Variants in PDE3B observed in about 807,000 individuals in gnomAD.
PDE3B encodes the protein cGMP-inhibited 3',5'-cyclic phosphodiesterase 3B.
In PDE3B, 66 loss-of-function variants were observed where a neutral mutation model predicts 116.8. The ratio of observed to expected loss-of-function variants is 0.56; its 90% CI spans 0.46 to 0.69. PDE3B has a LOEUF of 0.69. Ranked by LOEUF, PDE3B falls within the 30% of genes least tolerant of loss-of-function variation. The pLI, the probability that PDE3B is intolerant of heterozygous loss-of-function variation, is 0.00. For missense variants in PDE3B, 1,384 were observed against 1,368.1 expected, an observed-to-expected ratio of 1.01 and a Z score of -0.18; for synonymous variants, 595 against 533.6, an observed-to-expected ratio of 1.12 and a Z score of -1.59.
At chr11:14,802,220 G>A (rs528145318) in intron 4 of PDE3B, among the ~76,000 whole-genome samples, 424 of 152,316 alleles carry the variant, frequency 2.8e-3, no homozygotes, top group Non-Finnish European at 3.6e-3. Context: ...CTTGCAGCTA[G>A]TTTGGTGTCT....
intron 1 of PDE3B, among the ~76,000 whole-genome samples, chr11:14,712,602 G>C (rs536163273): frequency 4.8e-4 from 73 of 150,624 alleles, no homozygotes; most frequent in African/African-American, 1.7e-3. Context: ...AGCCTCCCGA[G>C]TAGCTCGGCT....
chr11:14,828,959 A>G (rs1452785758), intron 7 of PDE3B, among the ~76,000 whole-genome samples: 2 of 152,234 alleles, frequency 1.3e-5, no homozygotes, highest in African/African-American at 2.4e-5. Context: ...GTACATATAC[A>G]CCATGGAATA....
At chr11:14,777,419 C>A (rs1857821328) in intron 2 of PDE3B, among the ~76,000 whole-genome samples, 1 of 152,166 alleles carries the variant, frequency 6.6e-6, no homozygotes, top group Non-Finnish European at 1.5e-5. Context: ...CAAATAGTAT[C>A]AACCCCCTCA....
intron 1 of PDE3B, among the ~76,000 whole-genome samples, chr11:14,756,802 A>ATT (rs372781887): frequency 0.34 from 40,684 of 117,926 alleles, 5,756 homozygotes; most frequent in East Asian, 0.41. Context: ...TTAAGTGCTT[A>ATT]TTTTTTTTTT....
intron 1 of PDE3B, chr11:14,700,745 A>G (rs1314943076): frequency 6.6e-6 from 1 of 151,838 alleles, no homozygotes; most frequent in Non-Finnish European, 1.5e-5. Flanking sequence ...TGTAGATATC[A>G]GGATATCATT....
At chr11:14,708,426 GAC>G (rs1855597546) in intron 1 of PDE3B, among the ~76,000 whole-genome samples, 1 of 151,972 alleles carries the variant, frequency 6.6e-6, no homozygotes, top group African/African-American at 2.4e-5. Flanking sequence ...AATGGAATAA[GAC>G]ATTGGCTAAG....
At chr11:14,708,638 T>G (rs1442865968) in intron 1 of PDE3B, among the ~76,000 whole-genome samples, 1 of 152,046 alleles carries the variant, frequency 6.6e-6, no homozygotes, top group African/African-American at 2.4e-5. Flanking sequence ...TTAGTGATGT[T>G]GATTTTTCTG....
intron 5 of PDE3B, among the ~76,000 whole-genome samples, chr11:14,815,649 C>T (rs1859301024): frequency 6.6e-6 from 1 of 152,114 alleles, no homozygotes; most frequent in Admixed American, 6.6e-5. Flanking sequence ...ATAGGGGTGA[C>T]ATCCTGTCAT....
At chr11:14,655,598 C>G (rs895314397) in intron 1 of PDE3B, among the ~76,000 whole-genome samples, 23 of 152,124 alleles carry the variant, frequency 1.5e-4, no homozygotes, top group Non-Finnish European at 3.2e-4. Flanking sequence ...GATGTGCAGA[C>G]TAGCTCACCA....
the PDE3B span, chr11:14,891,637 T>A: frequency 5.4e-4 from 598 of 1,107,004 alleles, 3 homozygotes; most frequent in African/African-American, 9.3e-3. Flanking sequence ...CCTGAGGGCA[T>A]GCGTCCACCC....
At chr11:14,722,350 G>T (rs1298142424) in intron 1 of PDE3B, among the ~76,000 whole-genome samples, 4 of 151,716 alleles carry the variant, frequency 2.6e-5, no homozygotes, top group Admixed American at 6.6e-5. Flanking sequence ...GGAAAGTCTA[G>T]TCGAGGGTAG....
intron 1 of PDE3B, among the ~76,000 whole-genome samples, chr11:14,692,759 T>C (rs1855081955): frequency 6.6e-6 from 1 of 151,984 alleles, no homozygotes; most frequent in Non-Finnish European, 1.5e-5. Flanking sequence ...ACCTCCCTAT[T>C]CCCTGAGACA....
intron 1 of PDE3B, among the ~76,000 whole-genome samples, chr11:14,756,014 A>C (rs1015172695): frequency 6.6e-6 from 1 of 152,200 alleles, no homozygotes; most frequent in Non-Finnish European, 1.5e-5. Flanking sequence ...ATTTACTCCA[A>C]CTTAACCCAT....
At chr11:14,827,090 GCA>G (rs1458165547) in intron 7 of PDE3B, among the ~76,000 whole-genome samples, 2 of 152,130 alleles carry the variant, frequency 1.3e-5, no homozygotes, top group Non-Finnish European at 2.9e-5. Context: ...CTCAATAGAT[GCA>G]GAAAAAGGCT....
At chr11:14,881,299 G>A in the PDE3B span, among the ~76,000 whole-genome samples, 9 of 151,964 alleles carry the variant, frequency 5.9e-5, no homozygotes, top group South Asian at 2.1e-4. Flanking sequence ...CAATATAGTC[G>A]AAATGCTGAA....
intron 11 of PDE3B, among the ~76,000 whole-genome samples, chr11:14,836,512 T>A (rs563443182): frequency 1.3e-5 from 2 of 152,178 alleles, no homozygotes; most frequent in Non-Finnish European, 2.9e-5. Context: ...CTCCATTGTC[T>A]AATTCCAAAG....
intron 1 of PDE3B, among the ~76,000 whole-genome samples, chr11:14,767,709 G>A (rs1196441920): frequency 6.6e-6 from 1 of 151,268 alleles, no homozygotes; most frequent in African/African-American, 2.4e-5. Context: ...GATTTCTGCG[G>A]AAATCAAAAT....
chr11:14,885,202 T>C, the PDE3B span, among the ~76,000 whole-genome samples: 1 of 152,192 alleles, frequency 6.6e-6, no homozygotes, highest in African/African-American at 2.4e-5. Flanking sequence ...ATCTGAACAT[T>C]CTATTTTAGG....
At chr11:14,708,680 G>T (rs1175155500) in intron 1 of PDE3B, among the ~76,000 whole-genome samples, 3 of 151,936 alleles carry the variant, frequency 2.0e-5, no homozygotes, top group Admixed American at 6.6e-5. Context: ...TTATGTAAGA[G>T]AATATTCCTC....
Sources: gnomAD v4.1 joint callset for allele counts (sites outside exome capture counted in the v4.1 genomes callset) on GRCh38, gnomAD v4.1.1 for gene constraint, MANE v1.5 for transcripts, NCBI Gene and HGNC (gene_info 2026-07-23, HGNC 2026-07-21) for gene names.